Variants in LRRTM4 observed in about 807,000 individuals in gnomAD.
The protein encoded by LRRTM4 is leucine rich repeat transmembrane neuronal 4, also known as leucine-rich repeat transmembrane neuronal protein 4.
Under a neutral mutation model 47.6 loss-of-function variants are expected in LRRTM4, and 25 were observed. That is an observed-to-expected ratio of 0.53 (90% CI 0.38 to 0.73). The LOEUF is 0.73. LRRTM4 is among the 30% of genes least tolerant of loss of function. The pLI is 0.00. For synonymous variants in LRRTM4, 311 were observed against 269.5 expected, an observed-to-expected ratio of 1.15 and a Z score of -1.51; for missense variants, 638 against 713.4, an observed-to-expected ratio of 0.89 and a Z score of 1.20.
intron 3 of LRRTM4, among the ~76,000 whole-genome samples, chr2:77,387,046 C>T (rs755758274): frequency 7.2e-5 from 11 of 152,108 alleles, no homozygotes; most frequent in East Asian, 5.8e-4. Context: ...CACTATGGAA[C>T]GGTTTCATGA....
chr2:77,372,959 A>AT (rs1311971166), intron 3 of LRRTM4, among the ~76,000 whole-genome samples: 1 of 150,724 alleles, frequency 6.6e-6, no homozygotes, highest in Admixed American at 6.6e-5. Flanking sequence ...TAAAAAAAAA[A>AT]GGCTTACTAA....
At chr2:77,100,346 A>G (rs1230600889) in intron 3 of LRRTM4, among the ~76,000 whole-genome samples, 1 of 152,198 alleles carries the variant, frequency 6.6e-6, no homozygotes, top group Non-Finnish European at 1.5e-5. Flanking sequence ...CAATGTAAAA[A>G]TTTCATACAA....
intron 3 of LRRTM4, among the ~76,000 whole-genome samples, chr2:77,116,549 A>G (rs1671394088): frequency 6.6e-6 from 1 of 152,152 alleles, no homozygotes; most frequent in Non-Finnish European, 1.5e-5. Flanking sequence ...TCTAACCACA[A>G]TGAACATAAT....
chr2:76,813,237 G>T (rs144239874), intron 3 of LRRTM4, among the ~76,000 whole-genome samples: 4 of 152,128 alleles, frequency 2.6e-5, no homozygotes, highest in Admixed American at 1.3e-4. Context: ...ATTTGGAAAG[G>T]TATACCCAGG....
At chr2:77,194,083 G>A (rs181261405) in intron 3 of LRRTM4, among the ~76,000 whole-genome samples, 4 of 152,232 alleles carry the variant, frequency 2.6e-5, no homozygotes, top group South Asian at 2.1e-4. Context: ...GAAACATAAC[G>A]GAATGCTTCC....
intron 3 of LRRTM4, among the ~76,000 whole-genome samples, chr2:77,262,309 C>A (rs1193438950): frequency 1.3e-5 from 2 of 152,154 alleles, no homozygotes; most frequent in African/African-American, 4.8e-5. Context: ...CCACCCCAGT[C>A]CATAGAAAAA....
At chr2:77,162,793 G>C (rs1672767380) in intron 3 of LRRTM4, among the ~76,000 whole-genome samples, 1 of 152,092 alleles carries the variant, frequency 6.6e-6, no homozygotes, top group African/African-American at 2.4e-5. Context: ...CAAACAGAAA[G>C]GACATCCACA....
intron 3 of LRRTM4, among the ~76,000 whole-genome samples, chr2:77,492,338 T>C (rs918061036): frequency 3.9e-5 from 6 of 152,170 alleles, no homozygotes; most frequent in Non-Finnish European, 7.4e-5. Context: ...TAGCTGACTG[T>C]CACCTCGAAC....
intron 3 of LRRTM4, among the ~76,000 whole-genome samples, chr2:76,877,548 T>C (rs928333667): frequency 1.3e-5 from 2 of 152,162 alleles, no homozygotes; most frequent in Non-Finnish European, 2.9e-5. Context: ...AAAATAAAAA[T>C]GTCTTACCTC....
At position 77,283,016 on chromosome 2, in the gene LRRTM4, G is replaced by A. The variant is rs191625488; in HGVS notation, c.1551+235302C>T. On this transcript the variant is annotated intron_variant, in intron 3 of 3. Coordinates refer to ENST00000409884, the MANE Select transcript of LRRTM4 (RefSeq NM_001134745.3). Reference sequence around the variant, plus strand: ...AAAAGGGAGCTTCTACACAGCCAAAGAAACTCTCAACAGAGTAAACAGACA... The same window carrying A: ...AAAAGGGAGCTTCTACACAGCCAAAAAAACTCTCAACAGAGTAAACAGACA... Among the ~76,000 whole-genome samples the A allele has an allele frequency of 2.0e-4, 30 of 152,036 alleles. 2 individuals are homozygous for A. In the East Asian group the frequency reaches 5.8e-3, roughly 29 times the overall value.
At chr2:77,315,879 C>T (rs114112064) in intron 3 of LRRTM4, among the ~76,000 whole-genome samples, 4,635 of 152,208 alleles carry the variant, frequency 0.03, 239 homozygotes, top group African/African-American at 0.1. Context: ...GAGCCTTGCT[C>T]CAATTTGTCA....
At chr2:77,177,667 A>G (rs1252744747) in intron 3 of LRRTM4, among the ~76,000 whole-genome samples, 1 of 152,192 alleles carries the variant, frequency 6.6e-6, no homozygotes, top group Non-Finnish European at 1.5e-5. Context: ...CTGACTAAAT[A>G]ATTTTCATGA....
At chr2:77,089,946 TC>T (rs2103881649) in intron 3 of LRRTM4, among the ~76,000 whole-genome samples, 1 of 152,042 alleles carries the variant, frequency 6.6e-6, no homozygotes, top group South Asian at 2.1e-4. Context: ...TCATCCCAAA[TC>T]TTCCTTCTTT....
intron 3 of LRRTM4, among the ~76,000 whole-genome samples, chr2:76,960,038 A>G (rs1302429007): frequency 1.3e-5 from 2 of 151,676 alleles, no homozygotes; most frequent in Non-Finnish European, 3.0e-5. Flanking sequence ...GCCTAAGGGC[A>G]AAACGACTTT....
intron 3 of LRRTM4, among the ~76,000 whole-genome samples, chr2:77,444,299 A>C (rs1675960182): frequency 6.6e-6 from 1 of 152,154 alleles, no homozygotes; most frequent in African/African-American, 2.4e-5. Flanking sequence ...CATAGTGACA[A>C]AGTTTTGAGG....
chr2:76,882,251 T>C (rs534684292), intron 3 of LRRTM4, among the ~76,000 whole-genome samples: 2 of 152,292 alleles, frequency 1.3e-5, no homozygotes, highest in South Asian at 4.1e-4. Context: ...ACGTATAAAG[T>C]ACTTTTTGTG....
At chr2:76,819,703 G>T (rs1422908597) in intron 3 of LRRTM4, among the ~76,000 whole-genome samples, 1 of 151,848 alleles carries the variant, frequency 6.6e-6, no homozygotes, top group African/African-American at 2.4e-5. Flanking sequence ...GTTACTCTCA[G>T]CCTACCAGTG....
chr2:77,339,855 T>C (rs1002949381), intron 3 of LRRTM4, among the ~76,000 whole-genome samples: 6 of 151,980 alleles, frequency 3.9e-5, no homozygotes, highest in African/African-American at 1.4e-4. Flanking sequence ...GCTTGCGTAC[T>C]TTTATCCCTC....
At chr2:77,425,089 A>G (rs1307644225) in intron 3 of LRRTM4, among the ~76,000 whole-genome samples, 1 of 152,180 alleles carries the variant, frequency 6.6e-6, no homozygotes, top group South Asian at 2.1e-4. Context: ...ACACTCACAG[A>G]GTGAGGAATT....
Sources: gnomAD v4.1 joint callset for allele counts (sites outside exome capture counted in the v4.1 genomes callset) on GRCh38, gnomAD v4.1.1 for gene constraint, MANE v1.5 for transcripts, NCBI Gene and HGNC (gene_info 2026-07-23, HGNC 2026-07-21) for gene names.